TLK2: variants seen among roughly 807,000 people sequenced by gnomAD.
TLK2 encodes the protein serine/threonine-protein kinase tousled-like 2.
In TLK2, 6 loss-of-function variants were observed where a neutral mutation model predicts 117.3. The observed-to-expected ratio is 0.05, with a 90% CI of 0.03 to 0.10. The LOEUF (loss-of-function observed/expected upper bound fraction) is 0.10. Among genes scored for constraint, TLK2 ranks in the 10% least tolerant of loss-of-function variants. The pLI is 1.00. For missense variants in TLK2, 299 were observed against 901.2 expected (o/e 0.33, Z 8.56); for synonymous variants, 257 against 316.7 (o/e 0.81, Z 2.00).
chr17:62,566,629 G>A (rs894793787), intron 11 of TLK2, among the ~76,000 whole-genome samples: 15 of 152,300 alleles, frequency 9.8e-5, no homozygotes, highest in African/African-American at 3.6e-4. Flanking sequence ...GATAGCAGAG[G>A]TATCAGGGCA....
intron 16 of TLK2, among the ~76,000 whole-genome samples, chr17:62,592,067 G>A (rs2082123697): frequency 6.6e-6 from 1 of 151,356 alleles, no homozygotes; most frequent in African/African-American, 2.4e-5. Flanking sequence ...TGATTCCCCT[G>A]CCTCAGCCTC....
chr17:62,519,736 G>A (rs2075899606), intron 2 of TLK2, among the ~76,000 whole-genome samples: 1 of 152,042 alleles, frequency 6.6e-6, no homozygotes, highest in African/African-American at 2.4e-5. Context: ...TTGTTCAATT[G>A]CAAGTATAAA....
chr17:62,565,425 C>A (rs1264034518), intron 11 of TLK2, among the ~76,000 whole-genome samples: 2 of 151,932 alleles, frequency 1.3e-5, no homozygotes, highest in Admixed American at 6.6e-5. Flanking sequence ...GAGGCCGAGG[C>A]GGGTGGATCA....
At chr17:62,601,110 G>GT (rs996228082) in intron 18 of TLK2, among the ~76,000 whole-genome samples, 6 of 152,034 alleles carry the variant, frequency 3.9e-5, no homozygotes, top group African/African-American at 1.2e-4. Context: ...GTTCAGTTTT[G>GT]TTTTTTTCCC....
intron 14 of TLK2, 135 bp from the exon 15 acceptor site, chr17:62,579,976 T>C (rs1293342680): frequency 3.2e-6 from 2 of 626,182 alleles, no homozygotes; most frequent in Non-Finnish European, 5.5e-6. Context: ...GTATTTGCCA[T>C]GTTGATGTTG....
rs184140760 is a variant in TLK2 at position 62,560,838 on chromosome 17, T to A, written c.831+712T>A. Among the ~76,000 whole-genome samples, 1,025 of 151,988 alleles carry A rather than the reference T, an allele frequency of 6.7e-3. 8 individuals carry two copies. The highest frequency in any genetic ancestry group is 0.02 in the African/African-American group (832 of 41,468). On this transcript the variant is annotated intron_variant, in intron 10 of 21. Transcript: ENST00000346027. The stretch of plus-strand genomic sequence containing the variant: ...CCGGCCAATTTTTGTATTTTTTTTT[T>A]AATTATACTTTAAGTTTTAGGGTAT...
intron 16 of TLK2, among the ~76,000 whole-genome samples, chr17:62,595,031 G>A (rs903513481): frequency 3.9e-5 from 6 of 152,034 alleles, no homozygotes; most frequent in South Asian, 2.1e-4. Flanking sequence ...GCGCAGTCTC[G>A]CCTCACTGCA....
intron 9 of TLK2, among the ~76,000 whole-genome samples, chr17:62,556,705 A>G (rs2078891735): frequency 6.6e-6 from 1 of 152,134 alleles, no homozygotes; most frequent in Admixed American, 6.5e-5. Context: ...GGGTTTATAT[A>G]TTTTTATTTG....
At chr17:62,567,362 T>G (rs2079879395) in intron 11 of TLK2, among the ~76,000 whole-genome samples, 1 of 152,224 alleles carries the variant, frequency 6.6e-6, no homozygotes, top group African/African-American at 2.4e-5. Context: ...TACAAAATGA[T>G]GACTTTGCTA....
At chr17:62,497,842 G>A (rs936336433) in intron 2 of TLK2, among the ~76,000 whole-genome samples, 6 of 152,048 alleles carry the variant, frequency 3.9e-5, no homozygotes, top group Admixed American at 1.3e-4. Context: ...TTACAGTCCC[G>A]TGCCACCATG....
chr17:62,576,464 C>T (rs1298179061), intron 12 of TLK2, among the ~76,000 whole-genome samples: 1 of 152,044 alleles, frequency 6.6e-6, no homozygotes, highest in Admixed American at 6.6e-5. Flanking sequence ...AAAAATATGG[C>T]TCACTTTTTT....
rs149517159 is a variant in TLK2 at position 62,519,449 on chromosome 17, T to C, written c.82-1324T>C. Among the ~76,000 whole-genome samples, 393 of 152,300 alleles carry C rather than the reference T, an allele frequency of 2.6e-3. 2 individuals are homozygous for C. The highest frequency in any genetic ancestry group is 9.0e-3 in the African/African-American group (372 of 41,550). ...TTTTTAGGTGATGAAGTATGAGCCT[T>C]CCTGCTTTTTCAGGATTGGTTCCTA... On this transcript the variant is annotated intron_variant, in intron 2 of 21. Transcript: ENST00000346027.
At chr17:62,605,537 T>C (rs2083226816) in intron 19 of TLK2, among the ~76,000 whole-genome samples, 1 of 152,004 alleles carries the variant, frequency 6.6e-6, no homozygotes. Flanking sequence ...CAGGCGCAGC[T>C]AATTTTTGTA....
rs528537662 is a variant in TLK2, at chr17:62,571,274, T to C, written c.969-1941T>C. Among the ~76,000 whole-genome samples, 333 of 152,334 alleles carry C rather than the reference T, an allele frequency of 2.2e-3. 2 individuals are homozygous for C. The highest frequency in any genetic ancestry group is 3.9e-3 in the Non-Finnish European group (265 of 68,032). On this transcript the variant is annotated intron_variant, in intron 11 of 21. Transcript: ENST00000346027. ...AAATCTGTAGTATTTGCACATAGCC[T>C]ATGCATATCCTCCCATATACTTTAA...
chr17:62,471,633 G>A (rs1398797350), intron 1 of TLK2, among the ~76,000 whole-genome samples: 11 of 116,814 alleles, frequency 9.4e-5, no homozygotes, highest in African/African-American at 2.1e-4. Context: ...ACGAGCTGGC[G>A]GGAACAGGGA....
At chr17:62,599,241 A>C (rs2082700161) in intron 17 of TLK2, among the ~76,000 whole-genome samples, 1 of 152,190 alleles carries the variant, frequency 6.6e-6, no homozygotes, top group Non-Finnish European at 1.5e-5. Flanking sequence ...TTTGTTTTCA[A>C]ATAGGGTGTT....
chr17:62,600,837 G>A lies in TLK2; in HGVS notation c.1720+17G>A. ...TCAAACCAGGTATGTCTAACTTTTA[G>A]GAGACAGTATTAGTGGGTTTTCTTT... On this transcript the variant is annotated intron_variant, in intron 18 of 21. Transcript: ENST00000346027. 6.3e-7 allele frequency: 1 copy of A among 1,587,320 alleles called. No individual in the cohort carries two copies. The highest frequency in any genetic ancestry group is 1.9e-5 in the Admixed American group (1 of 53,808).
chr17:62,565,699 A>T (rs1371734093), intron 11 of TLK2, among the ~76,000 whole-genome samples: 2 of 151,954 alleles, frequency 1.3e-5, no homozygotes, highest in Non-Finnish European at 2.9e-5. Context: ...ACTTAAAAGA[A>T]TCAGAATTGC....
intron 7 of TLK2, among the ~76,000 whole-genome samples, chr17:62,538,993 A>G (rs1298353655): frequency 5.3e-5 from 8 of 152,212 alleles, no homozygotes; most frequent in Non-Finnish European, 1.0e-4. Context: ...GAGAAGTGCA[A>G]AATAAAACAA....
Sources: gnomAD v4.1 joint callset for allele counts (sites outside exome capture counted in the v4.1 genomes callset) on GRCh38, gnomAD v4.1.1 for gene constraint, MANE v1.5 for transcripts, NCBI Gene and HGNC (gene_info 2026-07-23, HGNC 2026-07-21) for gene names.